Variants in DNER observed in about 807,000 individuals in gnomAD.
DNER encodes the protein delta and Notch-like epidermal growth factor-related receptor.
DNER carries 33 observed loss-of-function variants against 78.2 expected under a neutral mutation model. The observed-to-expected ratio is 0.42, with a 90% confidence interval of 0.32 to 0.56. The LOEUF (loss-of-function observed/expected upper bound fraction) is 0.56. Ranked by LOEUF, DNER falls within the 20% of genes least tolerant of loss-of-function variation. The pLI, the probability that DNER is intolerant of heterozygous loss-of-function variation, is 0.11. For missense variants in DNER, 918 were observed against 975.3 expected (o/e 0.94, Z 0.78); for synonymous variants, 417 against 384.8 (o/e 1.08, Z -0.98).
At chr2:229,374,371 T>C (rs908907735) in intron 11 of DNER, among the ~76,000 whole-genome samples, 5 of 152,224 alleles carry the variant, frequency 3.3e-5, no homozygotes, top group African/African-American at 1.2e-4. Context: ...CCTGCACATG[T>C]GCTCCTTGAA....
intron 8 of DNER, among the ~76,000 whole-genome samples, chr2:229,423,390 G>A (rs1693807001): frequency 6.6e-6 from 1 of 152,076 alleles, no homozygotes; most frequent in African/African-American, 2.4e-5. Context: ...TGAGGCAGGT[G>A]GATCACTTGA....
intron 10 of DNER, among the ~76,000 whole-genome samples, chr2:229,398,636 T>G (rs1398841280): frequency 6.6e-6 from 1 of 152,120 alleles, no homozygotes; most frequent in Non-Finnish European, 1.5e-5. Context: ...TCTTTCTTTT[T>G]TAAAACAACA....
chr2:229,569,013 C>T (rs1380388497), intron 4 of DNER, among the ~76,000 whole-genome samples: 1 of 152,104 alleles, frequency 6.6e-6, no homozygotes, highest in African/African-American at 2.4e-5. Flanking sequence ...GAATGTGCAT[C>T]TCTGTATGCA....
At chr2:229,459,742 C>T (rs1694651710) in intron 7 of DNER, among the ~76,000 whole-genome samples, 1 of 151,996 alleles carries the variant, frequency 6.6e-6, no homozygotes, top group African/African-American at 2.4e-5. Flanking sequence ...GCCGTGCTAG[C>T]ATATGAAATT....
At chr2:229,539,170 T>C (rs1430793187) in intron 5 of DNER, among the ~76,000 whole-genome samples, 6 of 152,222 alleles carry the variant, frequency 3.9e-5, no homozygotes, top group African/African-American at 1.4e-4. Context: ...TCCTTTCTTA[T>C]AAGCCAACCA....
chr2:229,441,628 C>T (rs1008725559), intron 8 of DNER, among the ~76,000 whole-genome samples: 3 of 152,174 alleles, frequency 2.0e-5, no homozygotes, highest in African/African-American at 7.2e-5. Context: ...GAAGCTGTCA[C>T]TCTACATATG....
intron 6 of DNER, among the ~76,000 whole-genome samples, chr2:229,492,913 G>C (rs76549545): frequency 0.13 from 18,995 of 151,938 alleles, 1,330 homozygotes; most frequent in South Asian, 0.2. Context: ...TCAAGTTATC[G>C]TCCAGCCTCA....
chr2:229,545,658 C>T (rs927975399), intron 5 of DNER, among the ~76,000 whole-genome samples: 2 of 152,186 alleles, frequency 1.3e-5, no homozygotes, highest in African/African-American at 4.8e-5. Flanking sequence ...ATCTGACTCC[C>T]AAACTGCTGC....
At chr2:229,367,435 T>C (rs1692376675) in intron 11 of DNER, among the ~76,000 whole-genome samples, 1 of 151,956 alleles carries the variant, frequency 6.6e-6, no homozygotes, top group Non-Finnish European at 1.5e-5. Flanking sequence ...ACCTCATCTC[T>C]ACTAAAAATA....
intron 7 of DNER, among the ~76,000 whole-genome samples, chr2:229,451,590 T>C (rs572041625): frequency 2.0e-5 from 3 of 152,380 alleles, no homozygotes; most frequent in East Asian, 3.9e-4. Context: ...ATGTAAGAAC[T>C]ATAATAGCCC....
At chr2:229,435,306 G>A (rs915341137) in intron 8 of DNER, among the ~76,000 whole-genome samples, 3 of 152,134 alleles carry the variant, frequency 2.0e-5, no homozygotes, top group Admixed American at 6.5e-5. Flanking sequence ...TCCAGGACCC[G>A]GCAGTCCCCA....
intron 6 of DNER, among the ~76,000 whole-genome samples, chr2:229,499,727 A>G (rs1281419784): frequency 1.3e-5 from 2 of 152,278 alleles, no homozygotes; most frequent in East Asian, 3.9e-4. Context: ...ACGGGATTAC[A>G]TCAAACTAAA....
chr2:229,684,169 AGTGTGTGTGTGTGTGT>A (rs59016911), intron 1 of DNER, among the ~76,000 whole-genome samples: 4 of 94,602 alleles, frequency 4.2e-5, no homozygotes, highest in Non-Finnish European at 6.1e-5. Context: ...AGAGAGAGAG[AGTGTGTGTGTGTGTGT>A]GTGTGTGTGT....
chr2:229,387,509 GAGAAAGAA>G (rs67136130), intron 11 of DNER, among the ~76,000 whole-genome samples: 8,212 of 75,156 alleles, frequency 0.11, 478 homozygotes, highest in African/African-American at 0.14. Context: ...GAAAGAAAGA[GAGAAAGAA>G]AGAAAGAAAG....
chr2:229,671,332 G>A (rs1310866856), intron 1 of DNER, among the ~76,000 whole-genome samples: 7 of 152,140 alleles, frequency 4.6e-5, no homozygotes, highest in Admixed American at 1.3e-4. Flanking sequence ...TCCTCACTCA[G>A]GGCTACCTAA....
chr2:229,416,591 A>ATG (rs1693657420), intron 9 of DNER, among the ~76,000 whole-genome samples: 2 of 151,860 alleles, frequency 1.3e-5, no homozygotes, highest in African/African-American at 4.8e-5. Flanking sequence ...AGATCAGTAC[A>ATG]CCCCTCTGCC....
intron 5 of DNER, among the ~76,000 whole-genome samples, chr2:229,513,605 G>A (rs1695915454): frequency 6.6e-6 from 1 of 152,138 alleles, no homozygotes. Flanking sequence ...AAACAAAACT[G>A]GGTTTCTGTC....
chr2:229,460,730 T>C (rs1694680731), intron 7 of DNER, among the ~76,000 whole-genome samples: 1 of 152,168 alleles, frequency 6.6e-6, no homozygotes, highest in Non-Finnish European at 1.5e-5. Flanking sequence ...GGCTCTTAGC[T>C]ACAATGCATG....
At chr2:229,460,217 C>T (rs950227564) in intron 7 of DNER, among the ~76,000 whole-genome samples, 4 of 148,374 alleles carry the variant, frequency 2.7e-5, no homozygotes, top group African/African-American at 9.9e-5. Flanking sequence ...TAAACATGTG[C>T]TACCAACTCC....
Sources: gnomAD v4.1 joint callset for allele counts (sites outside exome capture counted in the v4.1 genomes callset) on GRCh38, gnomAD v4.1.1 for gene constraint, MANE v1.5 for transcripts, NCBI Gene and HGNC (gene_info 2026-07-23, HGNC 2026-07-21) for gene names.